Variants in C8orf34 observed in about 807,000 individuals in gnomAD.
C8orf34 encodes the protein uncharacterized protein C8orf34.
Under a neutral mutation model 68.3 loss-of-function variants are expected in C8orf34, and 65 were observed. The ratio of observed to expected loss-of-function variants is 0.95; its 90% CI spans 0.78 to 1.17. The LOEUF is 1.17. Among genes scored for constraint, C8orf34 ranks in the 50% most tolerant of loss-of-function variants. The probability of loss-of-function intolerance (pLI) is 0.00; values close to 1 mark genes in which losing one functional copy is unlikely to be tolerated. For synonymous variants in C8orf34, 244 were observed against 241.2 expected (o/e 1.01, Z -0.11); for missense variants, 664 against 655.4 (o/e 1.01, Z -0.14).
At position 68,709,012 on chromosome 8, in the gene C8orf34, G is replaced by T. The variant is rs1215066077; in HGVS notation, c.1260G>T (p.Leu420=). 1 of 1,600,622 alleles carries T rather than the reference G, an allele frequency of 6.2e-7. No individual in the cohort carries two copies. The highest frequency in any genetic ancestry group is 8.5e-7 in the Non-Finnish European group (1 of 1,175,658). ...SRCARLQGDN[L]EERTEESLPI... Reference sequence around the variant, plus strand: ...TATTTAGGCTTCAAGGAGACAACCTGGAAGAAAGGACAGAAGAGTCACTAC... The same window carrying T: ...TATTTAGGCTTCAAGGAGACAACCTTGAAGAAAGGACAGAAGAGTCACTAC... Residue 420 remains leucine (L), a synonymous_variant, in exon 9 of 14, where the codon CTG becomes CTT. Transcript: ENST00000518698.
At chr8:68,433,089 A>G (rs1810514608) in intron 1 of C8orf34, among the ~76,000 whole-genome samples, 1 of 152,154 alleles carries the variant, frequency 6.6e-6, no homozygotes, top group African/African-American at 2.4e-5. Flanking sequence ...TTCATTGTCA[A>G]TTCCACGCTC....
Position 68,535,384 on chromosome 8 carries a change from G to C in C8orf34, c.1105+2235G>C, listed in dbSNP as rs937278928. On this transcript the variant is annotated intron_variant, in intron 7 of 13. Transcript: ENST00000518698. ...TATCTATACCAAGATATAACTGGCT[G>C]AAAAATATTTATTATGCATGGAAAG... The C allele has an allele frequency of 9.1e-6, 9 of 984,540 alleles. No individual in the cohort carries two copies. The African/African-American group carries it at 1.6e-4, about 17-fold the overall frequency. The allele number at this position is 984,540 out of a possible 1,614,324, so 61.0% of individuals were successfully genotyped here.
chr8:68,561,588 C>A (rs1816429780), intron 7 of C8orf34, among the ~76,000 whole-genome samples: 1 of 152,050 alleles, frequency 6.6e-6, no homozygotes, highest in Admixed American at 6.6e-5. Context: ...GGAATCCTGT[C>A]TCTACTAAAA....
intron 8 of C8orf34, among the ~76,000 whole-genome samples, chr8:68,644,394 C>T (rs1819104116): frequency 6.6e-6 from 1 of 152,070 alleles, no homozygotes; most frequent in Non-Finnish European, 1.5e-5. Flanking sequence ...GTTCATCTTC[C>T]TTGGTTAATG....
intron 1 of C8orf34, among the ~76,000 whole-genome samples, chr8:68,412,390 ACTT>A (rs1183819791): frequency 2.6e-5 from 4 of 152,218 alleles, no homozygotes; most frequent in African/African-American, 9.6e-5. Context: ...AGGAAAGGTT[ACTT>A]CTTAAACATT....
In C8orf34 at chr8:68,331,171, C is replaced by T. The variant is rs1200846999; in HGVS notation, c.159C>T (p.Ser53=). 1.5e-5 allele frequency: 23 copies of T among 1,531,688 alleles called. No homozygotes were observed. Among genetic ancestry groups the T allele is most frequent in the Non-Finnish European group, 1.8e-5 (21 of 1,143,622 alleles). 94.9% of individuals were successfully genotyped at this position (1,531,688 alleles called of 1,614,324 possible). A position where few individuals can be genotyped will look rare whatever the true frequency, so the allele number is the denominator to read the frequency against. The change falls in exon 1 of 14, where the codon TCC becomes TCT. Residue 53 remains serine, a synonymous_variant. Coordinates refer to ENST00000518698, the MANE Select transcript of C8orf34 (RefSeq NM_052958.4). Reference sequence around the variant, plus strand: ...CAGGGCAGCCGAGGCTCCGGAGCTCCTGTCCCGGCCCCAGTCCGGGTAAAA... The same window carrying T: ...CAGGGCAGCCGAGGCTCCGGAGCTCTTGTCCCGGCCCCAGTCCGGGTAAAA... ...SHAGQPRLRS[S]CPGPSPGKRR... is the part of the protein sequence containing the mutation.
intron 8 of C8orf34, among the ~76,000 whole-genome samples, chr8:68,707,430 G>A (rs1250230915): frequency 1.3e-5 from 2 of 152,040 alleles, no homozygotes; most frequent in African/African-American, 4.8e-5. Flanking sequence ...TATGACATTT[G>A]GTTTATGCTT....
At chr8:68,488,529 G>C (rs1477147566) in intron 5 of C8orf34, among the ~76,000 whole-genome samples, 2 of 152,124 alleles carry the variant, frequency 1.3e-5, no homozygotes, top group Non-Finnish European at 2.9e-5. Context: ...GTGAGAAGTG[G>C]TGTGGTTAGA....
chr8:68,485,344 T>C (rs1016539901), intron 4 of C8orf34, among the ~76,000 whole-genome samples: 1 of 152,132 alleles, frequency 6.6e-6, no homozygotes, highest in Non-Finnish European at 1.5e-5. Context: ...AAAGATCAAC[T>C]GGTAGCTTTC....
chr8:68,667,862 T>A (rs1433399897), intron 8 of C8orf34, among the ~76,000 whole-genome samples: 2 of 152,176 alleles, frequency 1.3e-5, no homozygotes. Flanking sequence ...CTGAATTGTC[T>A]GTCACAACTG....
intron 10 of C8orf34, among the ~76,000 whole-genome samples, chr8:68,769,374 A>G (rs781064999): frequency 6.7e-6 from 1 of 150,330 alleles, no homozygotes; most frequent in Non-Finnish European, 1.5e-5. Flanking sequence ...GTTTCTCCTT[A>G]TGGTTTTTGC....
At chr8:68,543,576 C>T (rs542652809) in intron 7 of C8orf34, among the ~76,000 whole-genome samples, 111 of 152,224 alleles carry the variant, frequency 7.3e-4, no homozygotes, top group Non-Finnish European at 1.2e-3. Flanking sequence ...ATTCTCACCA[C>T]AGAAAAGGAC....
chr8:68,569,722 G>T (rs2130251661), intron 7 of C8orf34, among the ~76,000 whole-genome samples: 1 of 152,324 alleles, frequency 6.6e-6, no homozygotes, highest in Non-Finnish European at 1.5e-5. Context: ...ACTCTGTGCT[G>T]AATTAGAGTA....
rs1472607194 is a variant in C8orf34 at position 68,772,605 on chromosome 8, C to T, written c.1405-3794C>T. 4.6e-5 allele frequency among the ~76,000 whole-genome samples: 7 copies of T among 152,266 alleles called. No individual in the cohort carries two copies. In the South Asian group the frequency reaches 6.2e-4, roughly 14 times the overall value. On this transcript the variant is annotated intron_variant, in intron 10 of 13. Coordinates refer to ENST00000518698, the MANE Select transcript of C8orf34 (RefSeq NM_052958.4). ...TACATTTAAACACTTATCTCAACTG[C>T]GGTTATATTAAAAACTCACAATAAG...
chr8:68,460,118 A>G (rs1331468728), intron 3 of C8orf34, among the ~76,000 whole-genome samples: 1 of 152,132 alleles, frequency 6.6e-6, no homozygotes, highest in African/African-American at 2.4e-5. Context: ...AGCTTAAAAA[A>G]CGGAGTACCA....
intron 8 of C8orf34, among the ~76,000 whole-genome samples, chr8:68,644,948 A>G (rs1338878412): frequency 6.6e-6 from 1 of 152,206 alleles, no homozygotes; most frequent in Non-Finnish European, 1.5e-5. Context: ...ATAGAGCAAA[A>G]CCATACATTG....
intron 8 of C8orf34, among the ~76,000 whole-genome samples, chr8:68,676,880 C>T (rs2130861920): frequency 6.6e-6 from 1 of 152,224 alleles, no homozygotes; most frequent in East Asian, 1.9e-4. Context: ...TGGATGGTGG[C>T]AGGCAAAGAG....
At chr8:68,568,188 A>G (rs1362923924) in intron 7 of C8orf34, among the ~76,000 whole-genome samples, 1 of 152,130 alleles carries the variant, frequency 6.6e-6, no homozygotes, top group East Asian at 1.9e-4. Context: ...CACATCACTG[A>G]TCGCAGATCA....
chr8:68,609,331 G>A (rs1817945359), intron 7 of C8orf34, among the ~76,000 whole-genome samples: 1 of 152,142 alleles, frequency 6.6e-6, no homozygotes, highest in African/African-American at 2.4e-5. Context: ...GGTGTATCTA[G>A]GGGTTACTAG....
Sources: allele counts gnomAD v4.1 joint callset (sites outside exome capture counted in the v4.1 genomes callset), GRCh38; gene constraint gnomAD v4.1.1; transcripts MANE v1.5; gene names NCBI Gene and HGNC (gene_info 2026-07-23, HGNC 2026-07-21).